Variants in VSNL1 observed in about 807,000 individuals in gnomAD.
The protein encoded by VSNL1 is visinin like 1.
VSNL1 carries 6 observed loss-of-function variants against 20.4 expected under a neutral mutation model. That is an observed-to-expected ratio of 0.29 (90% CI 0.16 to 0.58). The LOEUF (loss-of-function observed/expected upper bound fraction) is 0.58. Ranked by LOEUF, VSNL1 falls within the 20% of genes least tolerant of loss-of-function variation. The probability of loss-of-function intolerance (pLI) is 0.90; values close to 1 mark genes in which losing one functional copy is unlikely to be tolerated. For missense variants in VSNL1, 100 were observed against 234.5 expected (o/e 0.43, Z 3.75); for synonymous variants, 93 against 86.4 (o/e 1.08, Z -0.42).
At chr2:17,615,939 G>C (rs1002822712) in intron 2 of VSNL1, among the ~76,000 whole-genome samples, 2 of 152,232 alleles carry the variant, frequency 1.3e-5, no homozygotes, top group African/African-American at 4.8e-5. Context: ...AGATCATCAT[G>C]ATTCATTTTA....
intron 2 of VSNL1, among the ~76,000 whole-genome samples, chr2:17,612,604 C>G (rs1343217146): frequency 3.9e-5 from 6 of 152,232 alleles, no homozygotes. Context: ...TCCCCAACCA[C>G]AGGAGTATGC....
At chr2:17,545,727 ATT>A (rs888399147) in intron 1 of VSNL1, among the ~76,000 whole-genome samples, 2 of 152,110 alleles carry the variant, frequency 1.3e-5, no homozygotes, top group African/African-American at 4.8e-5. Flanking sequence ...TTTAGAAACT[ATT>A]TAATGAATGA....
intron 2 of VSNL1, among the ~76,000 whole-genome samples, chr2:17,641,483 A>G (rs762271232): frequency 2.0e-5 from 3 of 152,262 alleles, no homozygotes; most frequent in Non-Finnish European, 4.4e-5. Context: ...TCCTAGTTTC[A>G]TAACAAAGAG....
chr2:17,546,034 T>C (rs1418225782), intron 1 of VSNL1: 1 of 152,054 alleles, frequency 6.6e-6, no homozygotes, highest in Non-Finnish European at 1.5e-5. Flanking sequence ...GTGAGCATTC[T>C]ATTTCCTTTT....
At chr2:17,605,264 A>C (rs1413748172) in intron 2 of VSNL1, among the ~76,000 whole-genome samples, 1 of 152,174 alleles carries the variant, frequency 6.6e-6, no homozygotes, top group Non-Finnish European at 1.5e-5. Flanking sequence ...GCACAGCATC[A>C]AGTTAGGATC....
intron 2 of VSNL1, among the ~76,000 whole-genome samples, chr2:17,617,651 G>A (rs1454541954): frequency 6.6e-6 from 1 of 152,130 alleles, no homozygotes; most frequent in African/African-American, 2.4e-5. Context: ...GTGGGACCCT[G>A]CCAGGGTGTG....
intron 1 of VSNL1, among the ~76,000 whole-genome samples, chr2:17,563,224 C>T (rs186140834): frequency 4.8e-4 from 73 of 152,308 alleles, no homozygotes; most frequent in Middle Eastern, 6.8e-3. Flanking sequence ...AATGCATTAT[C>T]CTCAGAGCAA....
chr2:17,600,722 C>T (rs904880866), intron 2 of VSNL1, among the ~76,000 whole-genome samples: 1 of 152,154 alleles, frequency 6.6e-6, no homozygotes, highest in Admixed American at 6.5e-5. Context: ...TAATGTCATC[C>T]AGACAGGGCT....
intron 2 of VSNL1, among the ~76,000 whole-genome samples, chr2:17,633,645 C>T (rs918420927): frequency 6.6e-6 from 1 of 152,108 alleles, no homozygotes; most frequent in Non-Finnish European, 1.5e-5. Flanking sequence ...ACTAAGAATA[C>T]AGACATGAGT....
chr2:17,600,530 A>T (rs1027952713), intron 2 of VSNL1, among the ~76,000 whole-genome samples: 3 of 152,228 alleles, frequency 2.0e-5, no homozygotes, highest in African/African-American at 4.8e-5. Flanking sequence ...TCAACATCTG[A>T]TTCAAATAAT....
At chr2:17,600,929 T>C (rs979749340) in intron 2 of VSNL1, among the ~76,000 whole-genome samples, 1 of 152,146 alleles carries the variant, frequency 6.6e-6, no homozygotes, top group Admixed American at 6.5e-5. Flanking sequence ...TATGGTGATA[T>C]TGTCTCAGGG....
At chr2:17,647,607 G>C (rs1666025987) in intron 2 of VSNL1, among the ~76,000 whole-genome samples, 1 of 152,340 alleles carries the variant, frequency 6.6e-6, no homozygotes, top group African/African-American at 2.4e-5. Flanking sequence ...CACCTAAGTA[G>C]CATTGGGGGG....
intron 2 of VSNL1, among the ~76,000 whole-genome samples, chr2:17,599,674 G>A (rs893773271): frequency 1.5e-4 from 23 of 152,076 alleles, no homozygotes; most frequent in African/African-American, 5.3e-4. Context: ...CTGTCAGTCT[G>A]ACCAGTGGCT....
intron 2 of VSNL1, among the ~76,000 whole-genome samples, chr2:17,604,488 G>T (rs919731810): frequency 6.6e-6 from 1 of 152,230 alleles, no homozygotes; most frequent in African/African-American, 2.4e-5. Context: ...CTTGCTTAGG[G>T]AGGAGGCCCT....
intron 1 of VSNL1, among the ~76,000 whole-genome samples, chr2:17,559,335 A>C (rs1301692128): frequency 6.6e-6 from 1 of 152,148 alleles, no homozygotes; most frequent in Admixed American, 6.5e-5. Flanking sequence ...ACTAGTAATA[A>C]AATTTTAAGA....
chr2:17,540,423 C>G, upstream of VSNL1, among the ~76,000 whole-genome samples: 1 of 152,220 alleles, frequency 6.6e-6, no homozygotes. Context: ...CGGGTTGCTC[C>G]GGTAGCCGGA....
At chr2:17,569,417 A>G (rs1229226439) in intron 1 of VSNL1, among the ~76,000 whole-genome samples, 2 of 151,952 alleles carry the variant, frequency 1.3e-5, no homozygotes, top group African/African-American at 4.8e-5. Context: ...CTACTCTGAA[A>G]TTTGTAAAAT....
chr2:17,616,518 C>T (rs980360312), intron 2 of VSNL1, among the ~76,000 whole-genome samples: 1 of 152,224 alleles, frequency 6.6e-6, no homozygotes, highest in African/African-American at 2.4e-5. Flanking sequence ...TCTCCAAACA[C>T]TGATGGATGG....
intron 2 of VSNL1, among the ~76,000 whole-genome samples, chr2:17,600,614 A>T (rs1312518102): frequency 2.0e-5 from 3 of 152,206 alleles, no homozygotes; most frequent in African/African-American, 7.2e-5. Flanking sequence ...TTTGTTACTA[A>T]GATGTGGTTA....
Sources: allele counts gnomAD v4.1 joint callset (sites outside exome capture counted in the v4.1 genomes callset), GRCh38; gene constraint gnomAD v4.1.1; transcripts MANE v1.5; gene names NCBI Gene and HGNC (gene_info 2026-07-23, HGNC 2026-07-21).